The following IQCM variants were observed in gnomAD, a reference collection of about 807,000 sequenced individuals.
IQCM encodes the protein IQ domain-containing protein M.
IQCM carries 45 observed loss-of-function variants against 57.6 expected under a neutral mutation model. That is an observed-to-expected ratio of 0.78 (90% CI 0.62 to 1.00). The LOEUF is 1.00. IQCM is among the 50% of genes least tolerant of loss of function. The pLI, the probability that IQCM is intolerant of heterozygous loss-of-function variation, is 0.00. For missense variants in IQCM, 468 were observed against 511.6 expected, an observed-to-expected ratio of 0.91 and a Z score of 0.82; for synonymous variants, 148 against 158.9, an observed-to-expected ratio of 0.93 and a Z score of 0.51.
chr4:149,384,173 C>T (rs1273315060), intron 13 of IQCM, among the ~76,000 whole-genome samples: 1 of 151,964 alleles, frequency 6.6e-6, no homozygotes, highest in African/African-American at 2.4e-5. Flanking sequence ...GGATTTATAT[C>T]AGAAGTTATA....
intron 13 of IQCM, among the ~76,000 whole-genome samples, chr4:149,402,276 ATCT>A (rs1050876263): frequency 1.3e-5 from 2 of 151,704 alleles, no homozygotes; most frequent in African/African-American, 2.4e-5. Flanking sequence ...ATTCCTTTTG[ATCT>A]TCTACCCATA....
intron 8 of IQCM, among the ~76,000 whole-genome samples, chr4:149,601,656 C>A (rs1248116804): frequency 6.6e-6 from 1 of 152,094 alleles, no homozygotes; most frequent in Non-Finnish European, 1.5e-5. Flanking sequence ...AAATGAGGGT[C>A]AACATTTAGT....
At chr4:149,632,465 A>T (rs917182638) in intron 7 of IQCM, among the ~76,000 whole-genome samples, 1 of 152,142 alleles carries the variant, frequency 6.6e-6, no homozygotes, top group Non-Finnish European at 1.5e-5. Context: ...TAATCCCCTA[A>T]AAAAGATTAT....
At chr4:149,596,273 A>C (rs922085102) in intron 8 of IQCM, among the ~76,000 whole-genome samples, 1 of 152,200 alleles carries the variant, frequency 6.6e-6, no homozygotes, top group Non-Finnish European at 1.5e-5. Flanking sequence ...AACATAATCC[A>C]ACAATAAATT....
At chr4:149,721,618 T>G (rs914100476) in intron 5 of IQCM, among the ~76,000 whole-genome samples, 6 of 152,232 alleles carry the variant, frequency 3.9e-5, no homozygotes, top group Non-Finnish European at 8.8e-5. Flanking sequence ...GCAAAAGACA[T>G]TATTCTGTTC....
chr4:149,584,169 C>T (rs1408157278), intron 9 of IQCM, among the ~76,000 whole-genome samples: 1 of 151,406 alleles, frequency 6.6e-6, no homozygotes, highest in Admixed American at 6.6e-5. Flanking sequence ...TCTGATTGAA[C>T]TGAGATTTTC....
Position 149,742,636 on chromosome 4 carries a change from G to A in IQCM, c.37+19C>T. 1 of 1,224,056 alleles carries A rather than the reference G, an allele frequency of 8.2e-7. No individual in the cohort carries two copies. The highest frequency in any genetic ancestry group is 1.0e-6 in the Non-Finnish European group (1 of 980,800). 75.8% of individuals were successfully genotyped at this position (1,224,056 alleles called of 1,614,324 possible). ...GAGTGTTATGACTTGTACTATGTTA[G>A]GTAAGCACAGATACTCACATTTTGC... On this transcript the variant is annotated intron_variant, in intron 3 of 13. Transcript: ENST00000636793.
At position 149,453,889 on chromosome 4, in the gene IQCM, T is replaced by C. The variant is rs192323310; in HGVS notation, c.1229-20332A>G. On this transcript the variant is annotated intron_variant, in intron 12 of 13. Transcript: ENST00000636793. The stretch of plus-strand genomic sequence containing the variant: ...TATCTACCCATGAAATATTAAAATA[T>C]ATGTTTATACAAAAACTTGTAATCA... 9.9e-5 allele frequency among the ~76,000 whole-genome samples: 15 copies of C among 151,964 alleles called. 1 individual carries two copies. The East Asian group carries it at 2.9e-3, about 29-fold the overall frequency.
intron 5 of IQCM, among the ~76,000 whole-genome samples, chr4:149,730,686 T>G (rs765922086): frequency 5.1e-4 from 77 of 152,358 alleles, no homozygotes; most frequent in Non-Finnish European, 5.6e-4. Flanking sequence ...TTAAATTTCC[T>G]GAGAATCTAT....
At chr4:149,647,825 G>A (rs141337078) in intron 7 of IQCM, among the ~76,000 whole-genome samples, 21 of 152,156 alleles carry the variant, frequency 1.4e-4, no homozygotes, top group African/African-American at 4.8e-4. Flanking sequence ...CTACAGATGT[G>A]GCCTTTGCCA....
At chr4:149,753,310 G>A (rs902746720) in intron 2 of IQCM, among the ~76,000 whole-genome samples, 1 of 152,034 alleles carries the variant, frequency 6.6e-6, no homozygotes, top group South Asian at 2.1e-4. Flanking sequence ...CCAAGAGACA[G>A]AGGAGGAAAC....
chr4:149,593,757 G>A (rs1444635018), intron 8 of IQCM, among the ~76,000 whole-genome samples: 5 of 151,994 alleles, frequency 3.3e-5, no homozygotes, highest in South Asian at 2.1e-4. Context: ...GATGGATTAT[G>A]TTTATTGACT....
At chr4:149,713,285 A>C (rs1318010159) in intron 5 of IQCM, among the ~76,000 whole-genome samples, 1 of 152,176 alleles carries the variant, frequency 6.6e-6, no homozygotes, top group Non-Finnish European at 1.5e-5. Context: ...CACCTCAGGC[A>C]GCTTAAATTC....
intron 13 of IQCM, among the ~76,000 whole-genome samples, chr4:149,389,084 C>T (rs761546796): frequency 2.6e-5 from 4 of 151,576 alleles, no homozygotes; most frequent in Non-Finnish European, 5.9e-5. Flanking sequence ...TAAGGATTTA[C>T]TCTTATGTTT....
At chr4:149,585,099 T>C (rs1752537670) in intron 9 of IQCM, among the ~76,000 whole-genome samples, 1 of 151,742 alleles carries the variant, frequency 6.6e-6, no homozygotes, top group African/African-American at 2.4e-5. Flanking sequence ...TTTTTTTCTA[T>C]AACCAAGAAG....
At chr4:149,370,655 G>A (rs1730305823) in intron 13 of IQCM, among the ~76,000 whole-genome samples, 1 of 151,988 alleles carries the variant, frequency 6.6e-6, no homozygotes. Flanking sequence ...TGCACTTGCA[G>A]ACAAGCAAAC....
intron 12 of IQCM, among the ~76,000 whole-genome samples, chr4:149,531,124 A>C (rs1009167020): frequency 1.3e-5 from 2 of 152,154 alleles, no homozygotes; most frequent in African/African-American, 4.8e-5. Context: ...TGATAGAGTA[A>C]GTTATAACTG....
chr4:149,465,427 G>A (rs1456166944), intron 12 of IQCM, among the ~76,000 whole-genome samples: 1 of 152,096 alleles, frequency 6.6e-6, no homozygotes, highest in Non-Finnish European at 1.5e-5. Flanking sequence ...GCTCCCAGAT[G>A]AGTACCGAAA....
rs201942246 is a variant in IQCM, at chr4:149,773,351, C to CAA, written c.-48-30614_-48-30613dup. Among the ~76,000 whole-genome samples, 66 of 119,576 alleles carry CAA rather than the reference C, an allele frequency of 5.5e-4. 1 individual carries two copies. Among genetic ancestry groups the CAA allele is most frequent in the South Asian group, 2.4e-3 (9 of 3,782 alleles). 78.4% of individuals were successfully genotyped at this position (119,576 alleles called of 152,430 possible). ...TGGGCGACGGAGCAAAACTCCGTCT[C>CAA]AAAAAAAAAAAAAGAAAGAATTAAT... On this transcript the variant is annotated intron_variant, in intron 2 of 13. Transcript: ENST00000636793.
Sources: allele counts gnomAD v4.1 joint callset (sites outside exome capture counted in the v4.1 genomes callset), GRCh38; gene constraint gnomAD v4.1.1; transcripts MANE v1.5; gene names NCBI Gene and HGNC (gene_info 2026-07-23, HGNC 2026-07-21).